SLC24A4: variants seen among roughly 807,000 people sequenced by gnomAD.
SLC24A4 encodes sodium/potassium/calcium exchanger 4.
SLC24A4 carries 53 observed loss-of-function variants against 79.0 expected under a neutral mutation model. The observed-to-expected ratio is 0.67, with a 90% CI of 0.54 to 0.84. The LOEUF (loss-of-function observed/expected upper bound fraction) is 0.84. Ranked by LOEUF, SLC24A4 falls within the 40% of genes least tolerant of loss-of-function variation. The pLI is 0.00. For missense variants in SLC24A4, 731 were observed against 822.0 expected, an observed-to-expected ratio of 0.89 and a Z score of 1.35; for synonymous variants, 323 against 323.8, an observed-to-expected ratio of 1.00 and a Z score of 0.03.
chr14:92,420,821 G>A (rs1457776853), intron 2 of SLC24A4, among the ~76,000 whole-genome samples: 7 of 53,402 alleles, frequency 1.3e-4, no homozygotes, highest in Non-Finnish European at 2.4e-4. Context: ...TTTTTTCACG[G>A]GGGGGGCCTG....
intron 2 of SLC24A4, among the ~76,000 whole-genome samples, chr14:92,359,289 A>G (rs1887359449): frequency 6.6e-6 from 1 of 151,454 alleles, no homozygotes; most frequent in African/African-American, 2.4e-5. Context: ...TTTAAAAATG[A>G]TCAAGTCCGG....
At chr14:92,348,213 T>C (rs1886653839) in intron 2 of SLC24A4, among the ~76,000 whole-genome samples, 2 of 152,188 alleles carry the variant, frequency 1.3e-5, no homozygotes, top group African/African-American at 4.8e-5. Context: ...GTTTATGAGA[T>C]GGTGATGATC....
Position 92,437,915 on chromosome 14 carries a change from G to T in SLC24A4, c.319-1420G>T, listed in dbSNP as rs191769821. Among the ~76,000 whole-genome samples the T allele has an allele frequency of 1.8e-3, 275 of 152,268 alleles. 3 individuals carry two copies. The highest frequency in any genetic ancestry group is 6.1e-3 in the African/African-American group (253 of 41,556). ...GAGAGCTGCTGCTTTAAGAAGAGAT[G>T]CTTGAGAGAGTAGAAAAAAAAGTGT... is the stretch of plus-strand genomic sequence containing the variant. On this transcript the variant is annotated intron_variant, in intron 3 of 16. Transcript: ENST00000532405.
At chr14:92,474,854 T>G (rs1459527065) in intron 12 of SLC24A4, among the ~76,000 whole-genome samples, 5 of 66,440 alleles carry the variant, frequency 7.5e-5, no homozygotes, top group Non-Finnish European at 1.4e-4. Context: ...TATATATATA[T>G]ATATATATAT....
Position 92,447,409 on chromosome 14 carries a change from A to T in SLC24A4, c.722A>T (p.Tyr241Phe). The T allele has an allele frequency of 1.2e-6, 2 of 1,614,000 alleles. No homozygotes were observed. The highest frequency in any genetic ancestry group is 1.1e-5 in the South Asian group (1 of 91,076). The change falls in exon 9 of 17, where the codon TAT becomes TTT. Residue 241 changes from tyrosine (Y) to phenylalanine (F), a missense_variant. By Grantham distance (22) the Tyr-to-Phe change is conservative. Transcript: ENST00000532405. ...GLVLIILYVF[Y>F]ILIMKYNVKM... is the part of the protein sequence containing the mutation. ...GTGCTCATCATCTTGTATGTGTTTT[A>T]TATTCTGATCATGAAGTAAGTGCCC...
intron 2 of SLC24A4, among the ~76,000 whole-genome samples, chr14:92,373,186 A>G (rs763174468): frequency 3.0e-4 from 21 of 70,762 alleles, no homozygotes; most frequent in Admixed American, 6.2e-4. Context: ...ACACACACAC[A>G]CACACACGCA....
At chr14:92,333,260 A>G (rs1287732994) in intron 2 of SLC24A4, among the ~76,000 whole-genome samples, 6 of 151,296 alleles carry the variant, frequency 4.0e-5, no homozygotes, top group Non-Finnish European at 7.4e-5. Context: ...TACCTGGCTA[A>G]TTTTTGTATT....
chr14:92,491,914 A>G, intron 15 of SLC24A4, 137 bp downstream of exon 15: 2 of 724,888 alleles, frequency 2.8e-6, no homozygotes. Flanking sequence ...GGCGGCTTCT[A>G]GAGCACCTTA....
intron 12 of SLC24A4, among the ~76,000 whole-genome samples, chr14:92,466,898 C>T (rs1401491404): frequency 6.6e-6 from 1 of 152,222 alleles, no homozygotes; most frequent in Non-Finnish European, 1.5e-5. Context: ...AGTTTATTTA[C>T]CTGTGAAACA....
At position 92,485,711 on chromosome 14, in the gene SLC24A4, A is replaced by G. The variant is rs1895316155; in HGVS notation, c.1423-955A>G. 2.0e-5 allele frequency among the ~76,000 whole-genome samples: 3 copies of G among 152,362 alleles called. No individual in the cohort carries two copies. In the East Asian group the frequency reaches 5.8e-4, roughly 29 times the overall value. On this transcript the variant is annotated intron_variant, in intron 13 of 16. Transcript: ENST00000532405. ...TGACATTTGAGTGGGTGAGAGAATCAGGAAGATCAAATTAATGAATATGTG... is the reference window on the plus strand; with the variant it reads ...TGACATTTGAGTGGGTGAGAGAATCGGGAAGATCAAATTAATGAATATGTG...
chr14:92,330,858 A>G (rs1403652377), intron 2 of SLC24A4, among the ~76,000 whole-genome samples: 1 of 152,180 alleles, frequency 6.6e-6, no homozygotes, highest in Admixed American at 6.5e-5. Flanking sequence ...TCCAAATACC[A>G]TCACATTGTG....
chr14:92,498,201 G>A lies in SLC24A4; in HGVS notation c.*4573G>A, dbSNP rs1307167797. On this transcript the variant is annotated 3_prime_UTR_variant, in exon 17 of 17. Transcript: ENST00000532405. ...GTGTGTGCACCCGAAGGATTTCCTG[G>A]TCTCTGTAGCTGATCCTGTGAGCCC... is the stretch of plus-strand genomic sequence containing the variant. 4 of 152,218 alleles carry A rather than the reference G, an allele frequency of 2.6e-5. No homozygotes were observed. The highest frequency in any genetic ancestry group is 9.7e-5 in the African/African-American group (4 of 41,428). The allele number at this position is 152,218 out of a possible 1,614,324, so 9.4% of individuals were successfully genotyped here.
At chr14:92,432,611 C>A (rs1891937350) in intron 2 of SLC24A4, among the ~76,000 whole-genome samples, 1 of 152,158 alleles carries the variant, frequency 6.6e-6, no homozygotes, top group Non-Finnish European at 1.5e-5. Context: ...CTTGAACCGA[C>A]AGCAGCAACT....
In SLC24A4 at chr14:92,346,788, G is replaced by C. The variant is rs138874775; in HGVS notation, c.241+20810G>C. Among the ~76,000 whole-genome samples, 147 of 152,300 alleles carry C rather than the reference G, an allele frequency of 9.7e-4. 2 individuals are homozygous for C. The highest frequency in any genetic ancestry group is 3.1e-3 in the African/African-American group (128 of 41,564). On this transcript the variant is annotated intron_variant, in intron 2 of 16. Coordinates refer to ENST00000532405, the MANE Select transcript of SLC24A4 (RefSeq NM_153646.4). ...ACCCAGACAGATTAAATTGTAATCT[G>C]TGGGTGGACCTGGTCTGCAGTGGTT...
rs528298292 is a variant in SLC24A4 at position 92,425,152 on chromosome 14, A to T, written c.242-8760A>T. 5.9e-5 allele frequency among the ~76,000 whole-genome samples: 9 copies of T among 152,366 alleles called. No homozygotes were observed. In the South Asian group the frequency reaches 1.4e-3, roughly 25 times the overall value. On this transcript the variant is annotated intron_variant, in intron 2 of 16. Transcript: ENST00000532405. ...GAAGAGGCTGTGTGAAGACACAGGC[A>T]GAAGGTGGCTATCTACAAGCTAGGA...
At chr14:92,458,176 C>A (rs2139854766) in intron 12 of SLC24A4, among the ~76,000 whole-genome samples, 1 of 152,334 alleles carries the variant, frequency 6.6e-6, no homozygotes, top group East Asian at 1.9e-4. Context: ...CATTTTCAAA[C>A]CCTCTCCCTT....
At chr14:92,473,679 G>T (rs572442357) in intron 12 of SLC24A4, among the ~76,000 whole-genome samples, 85 of 152,268 alleles carry the variant, frequency 5.6e-4, no homozygotes, top group African/African-American at 2.0e-3. Context: ...ACATGATCGG[G>T]CAGCCCCTAT....
intron 2 of SLC24A4, among the ~76,000 whole-genome samples, chr14:92,378,939 G>T (rs1253835967): frequency 6.6e-6 from 1 of 152,162 alleles, no homozygotes; most frequent in Non-Finnish European, 1.5e-5. Flanking sequence ...GTGCATACCT[G>T]TAGTCTCAGC....
chr14:92,492,446 A>G (rs1895735890), intron 16 of SLC24A4, among the ~76,000 whole-genome samples: 2 of 152,176 alleles, frequency 1.3e-5, no homozygotes, highest in Non-Finnish European at 1.5e-5. Flanking sequence ...TGCTGAGTAC[A>G]TAAGAAGTCC....
Sources: allele counts gnomAD v4.1 joint callset (sites outside exome capture counted in the v4.1 genomes callset), GRCh38; gene constraint gnomAD v4.1.1; transcripts MANE v1.5; gene names NCBI Gene and HGNC (gene_info 2026-07-23, HGNC 2026-07-21).